Variants in HERC1 observed in about 807,000 individuals in gnomAD.
The protein encoded by HERC1 is probable E3 ubiquitin-protein ligase HERC1.
HERC1 carries 160 observed loss-of-function variants against 554.3 expected under a neutral mutation model. The observed-to-expected ratio is 0.29, with a 90% CI of 0.25 to 0.33. The LOEUF (loss-of-function observed/expected upper bound fraction) is 0.33, where lower values mean the gene tolerates loss of function less well. Among genes scored for constraint, HERC1 ranks in the 10% least tolerant of loss-of-function variants. The pLI, the probability that HERC1 is intolerant of heterozygous loss-of-function variation, is 1.00. For synonymous variants in HERC1, 2,175 were observed against 2,131.7 expected (o/e 1.02, Z -0.56); for missense variants, 4,919 against 5,918.5 (o/e 0.83, Z 5.54).
intron 17 of HERC1, among the ~76,000 whole-genome samples, chr15:63,726,534 AT>A (rs897337639): frequency 6.6e-6 from 1 of 152,214 alleles, no homozygotes; most frequent in Admixed American, 6.5e-5. Flanking sequence ...TATACTAGAG[AT>A]TTTTTAAAAC....
At chr15:63,797,206 G>A (rs2144582717) in intron 1 of HERC1, among the ~76,000 whole-genome samples, 1 of 152,328 alleles carries the variant, frequency 6.6e-6, no homozygotes, top group African/African-American at 2.4e-5. Flanking sequence ...TTAGGATTAT[G>A]AGAGGGGCCT....
chr15:63,827,946 A>C (rs2077998270), intron 1 of HERC1, among the ~76,000 whole-genome samples: 1 of 152,342 alleles, frequency 6.6e-6, no homozygotes, highest in South Asian at 2.1e-4. Context: ...AAACACACAC[A>C]GACAGAAAGT....
At chr15:63,644,914 A>G (rs2069254519) in intron 57 of HERC1, 78 bp downstream of exon 57, 3 of 1,103,874 alleles carry the variant, frequency 2.7e-6, no homozygotes, top group Non-Finnish European at 4.1e-6. Flanking sequence ...TGACTTTTTT[A>G]GTAACCAAGG....
intron 1 of HERC1, among the ~76,000 whole-genome samples, chr15:63,825,687 C>G (rs1217307895): frequency 6.6e-6 from 1 of 152,086 alleles, no homozygotes; most frequent in African/African-American, 2.4e-5. Context: ...TTTACTGGTT[C>G]CATTCACAAT....
chr15:63,722,723 T>G (rs969767077), intron 19 of HERC1, among the ~76,000 whole-genome samples: 2 of 152,208 alleles, frequency 1.3e-5, no homozygotes, highest in African/African-American at 4.8e-5. Flanking sequence ...TAGCATATTA[T>G]TGTAATTGTT....
chr15:63,755,358 G>A (rs1245903808), intron 5 of HERC1, 33 bp from the exon 6 acceptor site: 3 of 1,474,922 alleles, frequency 2.0e-6, no homozygotes, highest in Non-Finnish European at 1.9e-6. Context: ...CGATGAGTAT[G>A]CACATGTTAA....
chr15:63,779,829 C>T (rs1284514662), intron 1 of HERC1: 1 of 151,964 alleles, frequency 6.6e-6, no homozygotes, highest in Non-Finnish European at 1.5e-5. Flanking sequence ...TCCTTGCCAA[C>T]ATGGTGAAAC....
chr15:63,825,917 C>G (rs1173788909), intron 1 of HERC1, among the ~76,000 whole-genome samples: 2 of 151,986 alleles, frequency 1.3e-5, no homozygotes, highest in African/African-American at 4.8e-5. Context: ...CACCCGCCAC[C>G]ATGCTCAGTT....
intron 11 of HERC1, 75 bp from the exon 12 acceptor site, chr15:63,747,158 A>G: frequency 1.4e-6 from 2 of 1,411,684 alleles, no homozygotes; most frequent in Non-Finnish European, 1.9e-6. Flanking sequence ...TAACATTTTT[A>G]TATCTTTAAA....
At chr15:63,713,839 T>C (rs1042732530) in intron 22 of HERC1, 174 bp from the exon 23 acceptor site, 3 of 532,944 alleles carry the variant, frequency 5.6e-6, no homozygotes, top group Admixed American at 3.3e-5. Flanking sequence ...ATTTAAAATA[T>C]ACTAAAATAC....
intron 47 of HERC1, 70 bp from the exon 48 acceptor site, chr15:63,658,788 T>G: frequency 7.9e-7 from 1 of 1,264,226 alleles, no homozygotes; most frequent in Non-Finnish European, 1.1e-6. Flanking sequence ...CTAAAAACAT[T>G]TCCTATTCTA....
At chr15:63,713,908 T>C (rs2073421292) in intron 22 of HERC1, 1 of 423,996 alleles carries the variant, frequency 2.4e-6, no homozygotes, top group Admixed American at 3.8e-5. Flanking sequence ...AATTTTAATG[T>C]AATCACAATT....
At position 63,749,718 on chromosome 15, in the gene HERC1, A is replaced by G; in HGVS notation, c.1976T>C (p.Ile659Thr). Residue 659 changes from isoleucine (I) to threonine (T), a missense_variant, in exon 9 of 78, where the codon ATT (isoleucine) becomes ACT (threonine). This residue lies in a region of HERC1 where 744 missense variants were observed against 1,090.0 expected (regional missense o/e 0.68). Coordinates refer to ENST00000443617, the MANE Select transcript of HERC1 (RefSeq NM_003922.4). This position sits in a 1 kb window ranked among gnomAD's most constrained non-coding sequence, Gnocchi z 4.1. ...SEATALRPKL[I>T]EELAATRIVD... is the part of the protein sequence containing the mutation. Reference sequence around the variant, plus strand: ...TATTCTTGTGGCAGCCAGTTCTTCAATAAGCTTGGGTCTCAAAGCAGTAGC... The same window carrying G: ...TATTCTTGTGGCAGCCAGTTCTTCAGTAAGCTTGGGTCTCAAAGCAGTAGC... 2 of 1,585,324 alleles carry G rather than the reference A, an allele frequency of 1.3e-6. No individual in the cohort carries two copies. The highest frequency in any genetic ancestry group is 1.1e-5 in the South Asian group (1 of 87,034).
chr15:63,727,710 G>A lies in HERC1; in HGVS notation c.3283C>T (p.Leu1095Phe). 6.2e-7 allele frequency: 1 copy of A among 1,613,832 alleles called. No individual in the cohort carries two copies. ...TCAGCAGCTGGCAGGAGTCTATTAAGGCAATCAAGAGGTGGCAACAAGTCG... is the reference window on the plus strand; with the variant it reads ...TCAGCAGCTGGCAGGAGTCTATTAAAGCAATCAAGAGGTGGCAACAAGTCG... ...LLDLLPPLDC[L>F]NRLLPAADLL... Residue 1095 changes from leucine to phenylalanine, a missense_variant, in exon 17 of 78, where the codon CTT becomes TTT. This residue lies in a region of HERC1 where 1,121 missense variants were observed against 1,244.0 expected (regional missense o/e 0.90). Coordinates refer to ENST00000443617, the MANE Select transcript of HERC1 (RefSeq NM_003922.4). This position sits in a 1 kb window ranked among gnomAD's most constrained non-coding sequence, Gnocchi z 4.3.
intron 2 of HERC1, among the ~76,000 whole-genome samples, chr15:63,767,458 G>A (rs2075816722): frequency 2.0e-5 from 3 of 152,068 alleles, no homozygotes; most frequent in Admixed American, 2.0e-4. Context: ...CCAGCACTTT[G>A]GGAGGCCAAG....
chr15:63,686,621 C>A lies in HERC1; in HGVS notation c.6049-86G>T, dbSNP rs2071777173. The A allele has an allele frequency of 2.3e-5, 26 of 1,118,692 alleles. No homozygotes were observed. In the South Asian group the frequency reaches 3.6e-4, roughly 16 times the overall value. The allele number at this position is 1,118,692 out of a possible 1,614,324, so 69.3% of individuals were successfully genotyped here. A position where few individuals can be genotyped will look rare whatever the true frequency, so the allele number is the denominator to read the frequency against. On this transcript the variant is annotated intron_variant, in intron 33 of 77. Coordinates refer to ENST00000443617, the MANE Select transcript of HERC1 (RefSeq NM_003922.4). ...TCTGAGGCTCCTTGGTTTTATCCTA[C>A]AAATATTTATTATGTATCTACTATG...
At chr15:63,766,855 T>G (rs2075795339) in intron 2 of HERC1, among the ~76,000 whole-genome samples, 1 of 151,932 alleles carries the variant, frequency 6.6e-6, no homozygotes, top group Non-Finnish European at 1.5e-5. Context: ...TTTTGTATTT[T>G]TAGCAGAGAA....
intron 1 of HERC1, among the ~76,000 whole-genome samples, chr15:63,822,004 C>T (rs574445390): frequency 4.6e-4 from 70 of 152,240 alleles, no homozygotes; most frequent in African/African-American, 1.6e-3. Context: ...GGAGTGGCCA[C>T]TATTTTACAC....
intron 22 of HERC1, among the ~76,000 whole-genome samples, chr15:63,714,091 G>A (rs1029883232): frequency 4.6e-5 from 7 of 151,958 alleles, no homozygotes; most frequent in African/African-American, 9.7e-5. Flanking sequence ...AGGCCCTTCA[G>A]CTGATTTTGA....
Sources: allele counts gnomAD v4.1 joint callset (sites outside exome capture counted in the v4.1 genomes callset), GRCh38; gene constraint gnomAD v4.1.1; regional missense constraint gnomAD v4.1.1; non-coding constraint Gnocchi (gnomAD v3.1); transcripts MANE v1.5; gene names NCBI Gene and HGNC (gene_info 2026-07-23, HGNC 2026-07-21).